STXBP5L: variants seen among roughly 807,000 people sequenced by gnomAD.
STXBP5L encodes syntaxin-binding protein 5-like.
Under a neutral mutation model 144.5 loss-of-function variants are expected in STXBP5L, and 65 were observed. The ratio of observed to expected loss-of-function variants is 0.45; its 90% CI spans 0.37 to 0.55. STXBP5L has a LOEUF of 0.55. Ranked by LOEUF, STXBP5L falls within the 20% of genes least tolerant of loss-of-function variation. The pLI, the probability that STXBP5L is intolerant of heterozygous loss-of-function variation, is 0.00. For synonymous variants in STXBP5L, 505 were observed against 469.6 expected (o/e 1.08, Z -0.97); for missense variants, 1,298 against 1,405.5 (o/e 0.92, Z 1.22).
intron 18 of STXBP5L, among the ~76,000 whole-genome samples, chr3:121,265,773 A>C (rs916188893): frequency 1.3e-5 from 2 of 152,174 alleles, no homozygotes; most frequent in African/African-American, 4.8e-5. Context: ...GGAACAATAA[A>C]AAATGATAAA....
At chr3:120,991,477 C>T (rs1285702830) in intron 3 of STXBP5L, among the ~76,000 whole-genome samples, 1 of 152,184 alleles carries the variant, frequency 6.6e-6, no homozygotes, top group Non-Finnish European at 1.5e-5. Flanking sequence ...CATCCCATTA[C>T]TGGGTATATA....
At chr3:121,046,807 C>T (rs1947547408) in intron 5 of STXBP5L, among the ~76,000 whole-genome samples, 2 of 151,938 alleles carry the variant, frequency 1.3e-5, no homozygotes, top group African/African-American at 4.8e-5. Flanking sequence ...AAAACCAACT[C>T]TTGTACTCAT....
At chr3:121,218,495 G>A in intron 10 of STXBP5L, among the ~76,000 whole-genome samples, 1 of 151,366 alleles carries the variant, frequency 6.6e-6, no homozygotes, top group East Asian at 1.9e-4. Flanking sequence ...TAGCAGTAGA[G>A]GCAAGGACAT....
At chr3:121,190,806 G>A (rs964958674) in intron 9 of STXBP5L, among the ~76,000 whole-genome samples, 1 of 151,518 alleles carries the variant, frequency 6.6e-6, no homozygotes, top group African/African-American at 2.4e-5. Context: ...GGGCGGAGGG[G>A]CTCCTCACTT....
chr3:120,961,259 A>C (rs1576495292), intron 3 of STXBP5L, among the ~76,000 whole-genome samples: 1 of 140,330 alleles, frequency 7.1e-6, no homozygotes, highest in Non-Finnish European at 1.5e-5. Context: ...GCTATACTTT[A>C]GTCTTTCTTT....
intron 2 of STXBP5L, among the ~76,000 whole-genome samples, chr3:120,928,407 C>T (rs570082102): frequency 4.1e-4 from 63 of 152,186 alleles, no homozygotes; most frequent in African/African-American, 1.4e-3. Context: ...AAACTACAGG[C>T]GTGTACCACC....
intron 18 of STXBP5L, among the ~76,000 whole-genome samples, chr3:121,266,144 C>G (rs2050556973): frequency 6.6e-6 from 1 of 152,152 alleles, no homozygotes; most frequent in South Asian, 2.1e-4. Flanking sequence ...CAGCATCACC[C>G]TGATACCAAA....
At chr3:120,985,495 C>T (rs1436318722) in intron 3 of STXBP5L, among the ~76,000 whole-genome samples, 1 of 151,988 alleles carries the variant, frequency 6.6e-6, no homozygotes, top group Non-Finnish European at 1.5e-5. Flanking sequence ...CTATAGTCAC[C>T]ATGCTGTGTA....
chr3:121,314,458 G>GGCGGC (rs2043700761), intron 19 of STXBP5L, among the ~76,000 whole-genome samples: 1 of 143,360 alleles, frequency 7.0e-6, no homozygotes, highest in African/African-American at 2.6e-5. Flanking sequence ...AGTCAGGCGT[G>GGCGGC]GCGGCGCGCG....
chr3:120,935,787 T>G (rs1010003088), intron 2 of STXBP5L, among the ~76,000 whole-genome samples: 2 of 152,040 alleles, frequency 1.3e-5, no homozygotes, highest in African/African-American at 4.8e-5. Context: ...TGCGTTTTTT[T>G]TTAAAGATTT....
chr3:120,924,053 C>A (rs535543314), intron 2 of STXBP5L, among the ~76,000 whole-genome samples: 1 of 152,116 alleles, frequency 6.6e-6, no homozygotes, highest in Non-Finnish European at 1.5e-5. Context: ...GTTTCTCCTA[C>A]GTCCCTATCT....
At chr3:121,060,297 C>A (rs571880077) in intron 5 of STXBP5L, among the ~76,000 whole-genome samples, 1 of 152,188 alleles carries the variant, frequency 6.6e-6, no homozygotes, top group Admixed American at 6.5e-5. Flanking sequence ...TATGTTGAAC[C>A]GGCCTTGCTT....
At chr3:121,140,968 A>G (rs182571760) in intron 7 of STXBP5L, among the ~76,000 whole-genome samples, 1 of 152,142 alleles carries the variant, frequency 6.6e-6, no homozygotes, top group African/African-American at 2.4e-5. Flanking sequence ...CACAATGTAT[A>G]TATATTTCAA....
intron 20 of STXBP5L, among the ~76,000 whole-genome samples, chr3:121,347,652 T>A (rs2045058329): frequency 6.6e-6 from 1 of 152,212 alleles, no homozygotes; most frequent in African/African-American, 2.4e-5. Context: ...CATTTGTAGT[T>A]CTTCTTGAAG....
At position 121,121,633 on chromosome 3, in the gene STXBP5L, T is replaced by C; in HGVS notation, c.606-8T>C. Reference sequence around the variant, plus strand: ...GTTTTTAATTACTGTTTTGAATTGATTTAACAGATCCACTAAGACTCATCC... The same window carrying C: ...GTTTTTAATTACTGTTTTGAATTGACTTAACAGATCCACTAAGACTCATCC... On this transcript the variant is annotated splice_region_variant and splice_polypyrimidine_tract_variant and intron_variant, in intron 6 of 26. Transcript: ENST00000471454. The C allele has an allele frequency of 1.3e-6, 2 of 1,590,440 alleles. No homozygotes were observed. Among genetic ancestry groups the C allele is most frequent in the Non-Finnish European group, 1.7e-6 (2 of 1,163,252 alleles).
chr3:121,147,234 A>G (rs2045747990), intron 7 of STXBP5L, among the ~76,000 whole-genome samples: 1 of 152,152 alleles, frequency 6.6e-6, no homozygotes, highest in Admixed American at 6.6e-5. Flanking sequence ...AATAAATTTC[A>G]GAGGATTAAA....
At chr3:121,410,203 G>T (rs1222133406) in intron 23 of STXBP5L, among the ~76,000 whole-genome samples, 2 of 151,624 alleles carry the variant, frequency 1.3e-5, no homozygotes, top group Non-Finnish European at 2.9e-5. Flanking sequence ...AGGTCTATTT[G>T]TGTATGTGTG....
intron 3 of STXBP5L, among the ~76,000 whole-genome samples, chr3:121,038,733 G>A (rs1317475339): frequency 6.6e-6 from 1 of 151,722 alleles, no homozygotes; most frequent in Non-Finnish European, 1.5e-5. Flanking sequence ...GTTTCTCTTT[G>A]TGGTTCTATC....
chr3:121,013,788 T>A (rs1175908451), intron 3 of STXBP5L, among the ~76,000 whole-genome samples: 1 of 152,044 alleles, frequency 6.6e-6, no homozygotes, highest in Non-Finnish European at 1.5e-5. Flanking sequence ...TACATTTAAG[T>A]CTTTAATCCA....
Sources: gnomAD v4.1 joint callset for allele counts (sites outside exome capture counted in the v4.1 genomes callset) on GRCh38, gnomAD v4.1.1 for gene constraint, MANE v1.5 for transcripts, NCBI Gene and HGNC (gene_info 2026-07-23, HGNC 2026-07-21) for gene names.